DAO: variants seen among roughly 807,000 people sequenced by gnomAD.
DAO encodes the protein D-amino-acid oxidase.
DAO carries 51 observed loss-of-function variants against 50.1 expected under a neutral mutation model. The ratio of observed to expected loss-of-function variants is 1.02; its 90% CI spans 0.81 to 1.29. The LOEUF (loss-of-function observed/expected upper bound fraction) is 1.29. DAO is among the 50% of genes most tolerant of loss of function. The probability of loss-of-function intolerance (pLI) is 0.00; values close to 1 mark genes in which losing one functional copy is unlikely to be tolerated. For missense variants in DAO, 436 were observed against 439.4 expected, an observed-to-expected ratio of 0.99 and a Z score of 0.07; for synonymous variants, 160 against 166.2, an observed-to-expected ratio of 0.96 and a Z score of 0.29.
At chr12:108,888,340 A>ATT (rs35167645) in intron 3 of DAO, among the ~76,000 whole-genome samples, 10,150 of 145,996 alleles carry the variant, frequency 0.07, 830 homozygotes, top group African/African-American at 0.2. Context: ...GACCAAGAGT[A>ATT]TTTTTTTTTT....
chr12:108,883,355 C>A (rs1236524388), intron 1 of DAO, among the ~76,000 whole-genome samples: 1 of 152,226 alleles, frequency 6.6e-6, no homozygotes, highest in East Asian at 1.9e-4. Context: ...ACCATCTTGG[C>A]CAGACTGGTC....
intron 7 of DAO, among the ~76,000 whole-genome samples, chr12:108,895,538 GT>G (rs1345915158): frequency 4.0e-5 from 6 of 148,746 alleles, no homozygotes; most frequent in African/African-American, 1.2e-4. Flanking sequence ...CCATGTGAGG[GT>G]ATGTGTGTGT....
chr12:108,896,996 G>C lies in DAO; in HGVS notation c.613-10G>C, dbSNP rs201661713. Reference sequence around the variant, plus strand: ...TCCGCTGATGAGACTTTCCTGCCCTGAATCAACAGGTGGACGCCCCTTGGA... The same window carrying C: ...TCCGCTGATGAGACTTTCCTGCCCTCAATCAACAGGTGGACGCCCCTTGGA... On this transcript the variant is annotated splice_polypyrimidine_tract_variant and intron_variant, in intron 7 of 10. Coordinates refer to ENST00000228476, the MANE Select transcript of DAO (RefSeq NM_001917.5). 3 of 1,611,692 alleles carry C rather than the reference G, an allele frequency of 1.9e-6. No homozygotes were observed. The African/African-American group carries it at 4.0e-5, about 21-fold the overall frequency.
intron 10 of DAO, chr12:108,900,145 G>A (rs2039605649): frequency 8.9e-6 from 4 of 448,718 alleles, no homozygotes; most frequent in Non-Finnish European, 1.7e-5. Context: ...ACCACTGGTG[G>A]AAGGCAGGGC....
Position 108,892,982 on chromosome 12 carries a change from G to A in DAO, c.453G>A (p.Arg151=). The part of the protein sequence containing the change: ...GKNYLQWLTE[R]LTERGVKFFQ... ...TTTTTGATGTGTTTGATCATCCCAG[G>A]TTAACTGAGAGGGGAGTGAAGTTCT... Residue 151 remains arginine, a splice_region_variant and synonymous_variant, in exon 6 of 11, where the codon AGG becomes AGA. Transcript: ENST00000228476. 6.2e-7 allele frequency: 1 copy of A among 1,614,044 alleles called. No homozygotes were observed. Among genetic ancestry groups the A allele is most frequent in the Admixed American group, 1.7e-5 (1 of 60,018 alleles).
chr12:108,887,483 G>A lies in DAO; in HGVS notation c.228G>A (p.Leu76=), dbSNP rs2039447239. 5 of 1,613,974 alleles carry A rather than the reference G, an allele frequency of 3.1e-6. No individual in the cohort carries two copies. Among genetic ancestry groups the A allele is most frequent in the Non-Finnish European group, 4.2e-6 (5 of 1,180,024 alleles). Residue 76 remains leucine, a synonymous_variant, in exon 3 of 11, where the codon CTG becomes CTA. Transcript: ENST00000228476. ...GCCAACAGACCTTTGACTATCTCCTGAGCCATGTCCATTCTCCCAACGCTG... is the reference window on the plus strand; with the variant it reads ...GCCAACAGACCTTTGACTATCTCCTAAGCCATGTCCATTCTCCCAACGCTG... ...DWSQQTFDYL[L]SHVHSPNAEN... is the part of the protein sequence containing the mutation.
At chr12:108,899,321 A>G in intron 9 of DAO, 56 bp from the exon 10 acceptor site, 6 of 1,339,030 alleles carry the variant, frequency 4.5e-6, no homozygotes, top group Non-Finnish European at 6.3e-6. Flanking sequence ...TACTACCTAA[A>G]AATGGCAGCA....
intron 1 of DAO, chr12:108,883,650 T>C (rs1237677805): frequency 2.2e-6 from 1 of 456,554 alleles, no homozygotes; most frequent in Middle Eastern, 3.3e-4. Flanking sequence ...AGAGCTTGTG[T>C]CTCCAGAGGC....
intron 7 of DAO, among the ~76,000 whole-genome samples, chr12:108,896,738 A>G (rs186512376): frequency 5.5e-4 from 83 of 152,192 alleles, no homozygotes; most frequent in Admixed American, 3.9e-3. Context: ...TCTCATGTGT[A>G]TGCATTTACA....
In DAO at chr12:108,900,741, T is replaced by G; in HGVS notation, c.*206T>G. 1.9e-6 allele frequency: 1 copy of G among 533,962 alleles called. No individual in the cohort carries two copies. Among genetic ancestry groups the G allele is most frequent in the Non-Finnish European group, 3.3e-6 (1 of 299,510 alleles). The allele number at this position is 533,962 out of a possible 1,614,324, so 33.1% of individuals were successfully genotyped here. A position where few individuals can be genotyped will look rare whatever the true frequency, so the allele number is the denominator to read the frequency against. On this transcript the variant is annotated 3_prime_UTR_variant, in exon 11 of 11. Transcript: ENST00000228476. ...TCATCACTGAAATCCCTCTACCTTC[T>G]CTGGGTCTGGCATTATAAAGAACAG...
intron 7 of DAO, among the ~76,000 whole-genome samples, chr12:108,896,126 A>G (rs1356720130): frequency 1.3e-5 from 2 of 152,030 alleles, no homozygotes; most frequent in African/African-American, 4.8e-5. Context: ...TACATTTTAC[A>G]TAAGATGAAG....
intron 7 of DAO, among the ~76,000 whole-genome samples, chr12:108,896,259 T>C (rs1363780667): frequency 6.6e-6 from 1 of 150,912 alleles, no homozygotes; most frequent in Non-Finnish European, 1.5e-5. Flanking sequence ...CCATCTCTAC[T>C]AAAAATACAA....
Position 108,885,097 on chromosome 12 carries a change from G to A in DAO, c.91G>A (p.Asp31Asn), listed in dbSNP as rs1254658020. The change falls in exon 2 of 11, where the codon GAC becomes AAC. Residue 31 changes from aspartate (D) to asparagine (N), a missense_variant. Coordinates refer to ENST00000228476, the MANE Select transcript of DAO (RefSeq NM_001917.5). ...ERYHSVLQPLDIKVYADRFTP... is the reference protein window; with the variant it reads ...ERYHSVLQPLNIKVYADRFTP... Reference sequence around the variant, plus strand: ...CTACCACTCAGTCCTGCAGCCACTGGACATAAAGGTCTACGCGGACCGCTT... The same window carrying A: ...CTACCACTCAGTCCTGCAGCCACTGAACATAAAGGTCTACGCGGACCGCTT... The A allele has an allele frequency of 6.2e-7, 1 of 1,614,124 alleles. No homozygotes were observed. The highest frequency in any genetic ancestry group is 8.5e-7 in the Non-Finnish European group (1 of 1,180,014).
Position 108,893,003 on chromosome 12 carries a change from G to T in DAO, c.474G>T (p.Lys158Asn), listed in dbSNP as rs952757280. Residue 158 changes from lysine to asparagine, a missense_variant, in exon 6 of 11, where the codon AAG (lysine) becomes AAT (asparagine). Coordinates refer to ENST00000228476, the MANE Select transcript of DAO (RefSeq NM_001917.5). ...CCAGGTTAACTGAGAGGGGAGTGAAGTTCTTCCAGCGGAAAGTGGAGTCTT... is the reference window on the plus strand; with the variant it reads ...CCAGGTTAACTGAGAGGGGAGTGAATTTCTTCCAGCGGAAAGTGGAGTCTT... The part of the protein sequence containing the change: ...LTERLTERGV[K>N]FFQRKVESFE... The T allele has an allele frequency of 2.5e-6, 4 of 1,613,988 alleles. No homozygotes were observed. The highest frequency in any genetic ancestry group is 3.4e-6 in the Non-Finnish European group (4 of 1,179,988).
intron 8 of DAO, 171 bp from the exon 9 acceptor site, chr12:108,898,508 A>G: frequency 1.4e-6 from 1 of 703,240 alleles, no homozygotes; most frequent in Non-Finnish European, 2.6e-6. Flanking sequence ...GACAACATTG[A>G]TGGAAGTGGT....
chr12:108,892,013 A>G (rs1305420433), intron 5 of DAO, among the ~76,000 whole-genome samples: 11 of 152,172 alleles, frequency 7.2e-5, no homozygotes, highest in Admixed American at 7.2e-4. Flanking sequence ...ACCCTTGTCC[A>G]GTCTTTTCCA....
At chr12:108,896,285 TGG>T (rs2039554026) in intron 7 of DAO, among the ~76,000 whole-genome samples, 1 of 151,352 alleles carries the variant, frequency 6.6e-6, no homozygotes, top group Admixed American at 6.6e-5. Flanking sequence ...TAGCTGGGTG[TGG>T]TGGCAGGTGC....
Position 108,895,726 on chromosome 12 carries a change from C to T in DAO, c.613-1280C>T, listed in dbSNP as rs574700424. On this transcript the variant is annotated intron_variant, in intron 7 of 10. Transcript: ENST00000228476. ...TGTGTGAGGGGTATATGTGTGGATGCATGTGAGGGTGTGTGTGTGCATGTG... is the reference window on the plus strand; with the variant it reads ...TGTGTGAGGGGTATATGTGTGGATGTATGTGAGGGTGTGTGTGTGCATGTG... 6.7e-5 allele frequency among the ~76,000 whole-genome samples: 8 copies of T among 119,012 alleles called. No individual in the cohort carries two copies. In the South Asian group the frequency reaches 2.0e-3, roughly 30 times the overall value. 78.1% of individuals were successfully genotyped at this position (119,012 alleles called of 152,430 possible).
chr12:108,891,432 A>G (rs1316220131), intron 5 of DAO, among the ~76,000 whole-genome samples: 1 of 147,114 alleles, frequency 6.8e-6, no homozygotes, highest in African/African-American at 2.5e-5. Context: ...CCTGGGTGAC[A>G]GGGCGAGACC....
Sources: allele counts gnomAD v4.1 joint callset (sites outside exome capture counted in the v4.1 genomes callset), GRCh38; gene constraint gnomAD v4.1.1; transcripts MANE v1.5; gene names NCBI Gene and HGNC (gene_info 2026-07-23, HGNC 2026-07-21).